Variants in PELI2 observed in about 807,000 individuals in gnomAD.
PELI2 encodes pellino E3 ubiquitin protein ligase family member 2, also known as E3 ubiquitin-protein ligase pellino homolog 2.
A neutral mutation model predicts 42.3 loss-of-function variants in PELI2; 23 were observed. The ratio of observed to expected loss-of-function variants is 0.54; its 90% CI spans 0.39 to 0.77. The LOEUF is 0.77. PELI2 is among the 30% of genes least tolerant of loss of function. The pLI, the probability that PELI2 is intolerant of heterozygous loss-of-function variation, is 0.00. For synonymous variants in PELI2, 245 were observed against 212.2 expected (o/e 1.15, Z -1.34); for missense variants, 463 against 553.2 (o/e 0.84, Z 1.64).
intron 2 of PELI2, among the ~76,000 whole-genome samples, chr14:56,221,060 G>A (rs147407031): frequency 8.5e-4 from 129 of 152,256 alleles, no homozygotes; most frequent in Middle Eastern, 3.4e-3. Flanking sequence ...AGACAAAGCC[G>A]TGCCTCCACC....
chr14:56,208,996 G>T (rs936486693), intron 2 of PELI2, among the ~76,000 whole-genome samples: 1 of 152,126 alleles, frequency 6.6e-6, no homozygotes, highest in Non-Finnish European at 1.5e-5. Flanking sequence ...TGACAGTTCC[G>T]AATACTTAAT....
intron 2 of PELI2, among the ~76,000 whole-genome samples, chr14:56,228,818 G>T (rs561185143): frequency 6.6e-6 from 1 of 152,334 alleles, no homozygotes; most frequent in African/African-American, 2.4e-5. Context: ...CACCTGGGAA[G>T]CGCAAGAGAT....
chr14:56,218,372 T>A (rs1352592773), intron 2 of PELI2, among the ~76,000 whole-genome samples: 1 of 152,250 alleles, frequency 6.6e-6, no homozygotes, highest in East Asian at 1.9e-4. Flanking sequence ...TATTTATGCC[T>A]TATGGCACTA....
chr14:56,186,760 A>G (rs1320230824), intron 2 of PELI2, among the ~76,000 whole-genome samples: 1 of 152,204 alleles, frequency 6.6e-6, no homozygotes, highest in Non-Finnish European at 1.5e-5. Flanking sequence ...ATATACAGTA[A>G]TTACAATTTT....
In PELI2 at chr14:56,207,210, A is replaced by G. The variant is rs558638411; in HGVS notation, c.207+28746A>G. 3.3e-5 allele frequency among the ~76,000 whole-genome samples: 5 copies of G among 152,340 alleles called. No homozygotes were observed. The South Asian group carries it at 1.0e-3, about 32-fold the overall frequency. On this transcript the variant is annotated intron_variant, in intron 2 of 5. Coordinates refer to ENST00000267460, the MANE Select transcript of PELI2 (RefSeq NM_021255.3). ...TTTGTACATTGACCACAAAGCTGGGAGAGAAAAAAAATAACTGAATAATCT... is the reference window on the plus strand; with the variant it reads ...TTTGTACATTGACCACAAAGCTGGGGGAGAAAAAAAATAACTGAATAATCT...
intron 1 of PELI2, among the ~76,000 whole-genome samples, chr14:56,150,358 T>C (rs1268292012): frequency 1.3e-5 from 2 of 152,244 alleles, no homozygotes; most frequent in Non-Finnish European, 2.9e-5. Flanking sequence ...ATGCTATGTA[T>C]GTTAATTGGT....
At chr14:56,282,316 A>G (rs1446536957) in intron 3 of PELI2, among the ~76,000 whole-genome samples, 1 of 152,142 alleles carries the variant, frequency 6.6e-6, no homozygotes, top group South Asian at 2.1e-4. Context: ...GAGTATATGG[A>G]GTCATATTGG....
intron 1 of PELI2, chr14:56,119,686 T>C (rs1202685238): frequency 1.3e-6 from 1 of 780,672 alleles, no homozygotes; most frequent in Non-Finnish European, 1.5e-6. Context: ...CTGGATATAG[T>C]GGGCAGTGAA....
At chr14:56,274,097 G>A (rs564862874) in intron 2 of PELI2, among the ~76,000 whole-genome samples, 5 of 152,178 alleles carry the variant, frequency 3.3e-5, no homozygotes, top group Non-Finnish European at 7.3e-5. Flanking sequence ...CCCACTGGCC[G>A]AAAGTGGATA....
intron 2 of PELI2, among the ~76,000 whole-genome samples, chr14:56,220,387 T>C (rs945082631): frequency 1.3e-5 from 2 of 152,226 alleles, no homozygotes; most frequent in Admixed American, 6.5e-5. Context: ...ATGATAGTTT[T>C]GAAACAACAT....
At chr14:56,272,876 G>C (rs1304835356) in intron 2 of PELI2, among the ~76,000 whole-genome samples, 1 of 152,168 alleles carries the variant, frequency 6.6e-6, no homozygotes, top group Non-Finnish European at 1.5e-5. Context: ...GTTCTCTTGG[G>C]TGTAGGTAAG....
intron 2 of PELI2, among the ~76,000 whole-genome samples, chr14:56,213,432 C>T (rs1886781830): frequency 6.6e-6 from 1 of 152,172 alleles, no homozygotes; most frequent in South Asian, 2.1e-4. Context: ...TCCAAGTTAG[C>T]AGGCGAGAGG....
chr14:56,253,003 A>G (rs1428386293), intron 2 of PELI2, among the ~76,000 whole-genome samples: 1 of 152,154 alleles, frequency 6.6e-6, no homozygotes, highest in Non-Finnish European at 1.5e-5. Context: ...AAAATCCACC[A>G]TGATCAAGTC....
Position 56,180,587 on chromosome 14 carries a change from T to G in PELI2, c.207+2123T>G, listed in dbSNP as rs1885542802. ...CTATGACCAAGGGAGATGGGCAAAC[T>G]AAGAGCAGACATATTTATTGTGAGC... On this transcript the variant is annotated intron_variant, in intron 2 of 5. Transcript: ENST00000267460. This position sits in a 1 kb window ranked among gnomAD's most constrained non-coding sequence, Gnocchi z 4.4. 6.6e-6 allele frequency among the ~76,000 whole-genome samples: 1 copy of G among 152,210 alleles called. No individual in the cohort carries two copies. The highest frequency in any genetic ancestry group is 2.4e-5 in the African/African-American group (1 of 41,454).
rs547935823 is a variant in PELI2 at position 56,179,408 on chromosome 14, C to T, written c.207+944C>T. ...TATATGCAATGTAAACATAGATCAC[C>T]TTTGTTAATGTTTTTATTTTTAAAA... On this transcript the variant is annotated intron_variant, in intron 2 of 5. Transcript: ENST00000267460. Among the ~76,000 whole-genome samples, 7 of 152,186 alleles carry T rather than the reference C, an allele frequency of 4.6e-5. No homozygotes were observed. In the East Asian group the frequency reaches 1.4e-3, roughly 29 times the overall value.
In PELI2 at chr14:56,246,797, A is replaced by G. The variant is rs528012943; in HGVS notation, c.208-32879A>G. ...GTAGCAGCGCTGTGTCTCCTATCCCATTTAATTATTCCATCATACATTGAC... is the reference window on the plus strand; with the variant it reads ...GTAGCAGCGCTGTGTCTCCTATCCCGTTTAATTATTCCATCATACATTGAC... On this transcript the variant is annotated intron_variant, in intron 2 of 5. Transcript: ENST00000267460. 5.3e-5 allele frequency among the ~76,000 whole-genome samples: 8 copies of G among 152,340 alleles called. No homozygotes were observed. The East Asian group carries it at 1.5e-3, about 29-fold the overall frequency.
chr14:56,215,143 G>A (rs1241729676), intron 2 of PELI2, among the ~76,000 whole-genome samples: 3 of 152,172 alleles, frequency 2.0e-5, no homozygotes, highest in Non-Finnish European at 4.4e-5. Context: ...ACTTCTAATA[G>A]AGATAACATC....
chr14:56,241,089 C>T (rs774939164), intron 2 of PELI2, among the ~76,000 whole-genome samples: 1 of 136,346 alleles, frequency 7.3e-6, no homozygotes, highest in Non-Finnish European at 1.7e-5. Context: ...GTATCATCCC[C>T]AGGAGGTTTG....
intron 1 of PELI2, among the ~76,000 whole-genome samples, chr14:56,129,230 A>C (rs1238182655): frequency 6.6e-6 from 1 of 152,206 alleles, no homozygotes; most frequent in East Asian, 1.9e-4. Context: ...CTTAGGACCC[A>C]GTCTTGCTTG....
Sources: allele counts gnomAD v4.1 joint callset (sites outside exome capture counted in the v4.1 genomes callset), GRCh38; gene constraint gnomAD v4.1.1; non-coding constraint Gnocchi (gnomAD v3.1); transcripts MANE v1.5; gene names NCBI Gene and HGNC (gene_info 2026-07-23, HGNC 2026-07-21).